The following DARS1 variants were observed in gnomAD, a reference collection of about 807,000 sequenced individuals.
The protein encoded by DARS1 is aspartate--tRNA ligase, cytoplasmic.
In DARS1, 51 loss-of-function variants were observed where a neutral mutation model predicts 68.8. The ratio of observed to expected loss-of-function variants is 0.74; its 90% CI spans 0.59 to 0.94. The LOEUF (loss-of-function observed/expected upper bound fraction) is 0.94. Among genes scored for constraint, DARS1 ranks in the 40% least tolerant of loss-of-function variants. The probability of loss-of-function intolerance (pLI) is 0.00; values close to 1 mark genes in which losing one functional copy is unlikely to be tolerated. For missense variants in DARS1, 607 were observed against 597.3 expected (o/e 1.02, Z -0.17); for synonymous variants, 203 against 190.4 (o/e 1.07, Z -0.55).
intron 15 of DARS1, among the ~76,000 whole-genome samples, chr2:135,907,842 C>A (rs1680821339): frequency 6.6e-6 from 1 of 152,142 alleles, no homozygotes; most frequent in East Asian, 1.9e-4. Context: ...ATTTTATAGA[C>A]ATTTAACATG....
chr2:135,972,683 AG>A (rs1682400440), intron 3 of DARS1, among the ~76,000 whole-genome samples: 2 of 152,238 alleles, frequency 1.3e-5, no homozygotes, highest in South Asian at 4.1e-4. Flanking sequence ...CCATCTGACG[AG>A]GAATTACTAA....
chr2:135,946,823 T>A (rs1681733639), intron 4 of DARS1, among the ~76,000 whole-genome samples: 1 of 152,178 alleles, frequency 6.6e-6, no homozygotes, highest in African/African-American at 2.4e-5. Context: ...CGAGTCCTCC[T>A]GAGCATATAG....
At chr2:135,908,812 A>T (rs1575380157) in intron 15 of DARS1, among the ~76,000 whole-genome samples, 1 of 152,204 alleles carries the variant, frequency 6.6e-6, no homozygotes, top group East Asian at 1.9e-4. Context: ...GTGGATTCTG[A>T]GTAATAAAGA....
At chr2:135,917,233 T>G (rs1681024956) in intron 10 of DARS1, among the ~76,000 whole-genome samples, 1 of 152,212 alleles carries the variant, frequency 6.6e-6, no homozygotes, top group Non-Finnish European at 1.5e-5. Context: ...TGGCTGGGAT[T>G]TGCTTCAAAA....
intron 11 of DARS1, 183 bp from the exon 12 acceptor site, chr2:135,914,694 G>C (rs1680970602): frequency 3.5e-6 from 2 of 575,108 alleles, no homozygotes; most frequent in Admixed American, 3.0e-5. Context: ...GTATACCTTG[G>C]TACAGTGACT....
Position 135,937,249 on chromosome 2 carries a change from TGGCTAATTTTTGTATTTTTAGTA to T in DARS1, c.424-3282_424-3260del, listed in dbSNP as rs1374379452. Among the ~76,000 whole-genome samples the T allele has an allele frequency of 5.3e-5, 8 of 152,212 alleles. No homozygotes were observed. In the East Asian group the frequency reaches 1.5e-3, roughly 29 times the overall value. Reference sequence around the variant, plus strand: ...GATTGCATGCACCTGCCACCACGCCTGGCTAATTTTTGTATTTTTAGTAGAAACAAGGTTTCGCCATGTTGATC... The same window carrying T: ...GATTGCATGCACCTGCCACCACGCCTGAAACAAGGTTTCGCCATGTTGATC... On this transcript the variant is annotated intron_variant, in intron 5 of 15. Coordinates refer to ENST00000264161, the MANE Select transcript of DARS1 (RefSeq NM_001349.4).
Position 135,985,588 on chromosome 2 carries a change from G to A in DARS1, c.-120C>T, listed in dbSNP as rs747158430. The A allele has an allele frequency of 5.6e-5, 87 of 1,554,576 alleles. No individual in the cohort carries two copies. The highest frequency in any genetic ancestry group is 7.2e-5 in the Non-Finnish European group (83 of 1,146,622). On this transcript the variant is annotated 5_prime_UTR_variant, in exon 1 of 16. Coordinates refer to ENST00000264161, the MANE Select transcript of DARS1 (RefSeq NM_001349.4). ...TCCCGACCCTGGGGTCTCAGCACAC[G>A]CGCTCGGACTCCGCGTGGAGGTGCG...
At chr2:135,923,239 T>A (rs1681142420) in intron 8 of DARS1, among the ~76,000 whole-genome samples, 1 of 152,152 alleles carries the variant, frequency 6.6e-6, no homozygotes, top group Admixed American at 6.5e-5. Flanking sequence ...AAATATATTC[T>A]TCATCATTTT....
At chr2:135,929,574 T>C (rs1681298439) in intron 7 of DARS1, among the ~76,000 whole-genome samples, 1 of 152,184 alleles carries the variant, frequency 6.6e-6, no homozygotes, top group South Asian at 2.1e-4. Flanking sequence ...GTGGTAAAGG[T>C]ACCATACTTG....
chr2:135,978,135 T>G (rs1682540391), intron 3 of DARS1, among the ~76,000 whole-genome samples: 2 of 94,950 alleles, frequency 2.1e-5, no homozygotes, highest in Admixed American at 3.4e-4. Context: ...AGAGCAAGAC[T>G]CTGTCTCAAA....
intron 4 of DARS1, among the ~76,000 whole-genome samples, chr2:135,960,530 A>C (rs1682076522): frequency 6.6e-6 from 1 of 152,218 alleles, no homozygotes; most frequent in South Asian, 2.1e-4. Context: ...ACATTTAAAA[A>C]AATCAATAGA....
intron 15 of DARS1, among the ~76,000 whole-genome samples, chr2:135,909,857 G>C (rs1056047951): frequency 6.6e-6 from 1 of 152,060 alleles, no homozygotes; most frequent in African/African-American, 2.4e-5. Context: ...GAGACTTTTT[G>C]AGTGCCAACA....
chr2:135,974,377 ATTTAT>A (rs1682451498), intron 3 of DARS1, among the ~76,000 whole-genome samples: 2 of 152,218 alleles, frequency 1.3e-5, no homozygotes, highest in Admixed American at 1.3e-4. Context: ...CTACGTTAAA[ATTTAT>A]TTTATTACAC....
In DARS1 at chr2:135,906,208, C is replaced by T. The variant is rs1680776772; in HGVS notation, c.*1108G>A. ...AGGGGTAACTTCCTAACTTTTTGAC[C>T]CTCATATTTTTCTGCATGTAATTTT... is the stretch of plus-strand genomic sequence containing the variant. On this transcript the variant is annotated 3_prime_UTR_variant, in exon 16 of 16. Transcript: ENST00000264161. Among the ~76,000 whole-genome samples the T allele has an allele frequency of 1.3e-5, 2 of 152,050 alleles. No homozygotes were observed. Among genetic ancestry groups the T allele is most frequent in the Admixed American group, 1.3e-4 (2 of 15,272 alleles).
chr2:135,976,932 G>T (rs1225081558), intron 3 of DARS1, among the ~76,000 whole-genome samples: 1 of 152,094 alleles, frequency 6.6e-6, no homozygotes, highest in East Asian at 1.9e-4. Context: ...TGGACAGCAA[G>T]AACAAGACCC....
chr2:135,932,138 CAAG>C (rs1272516370), intron 7 of DARS1, among the ~76,000 whole-genome samples: 1 of 151,898 alleles, frequency 6.6e-6, no homozygotes, highest in Admixed American at 6.6e-5. Context: ...GTAGAATAGC[CAAG>C]AAGAACTCTT....
At chr2:135,926,539 T>C (rs2104805104) in intron 7 of DARS1, among the ~76,000 whole-genome samples, 1 of 152,322 alleles carries the variant, frequency 6.6e-6, no homozygotes, top group East Asian at 1.9e-4. Context: ...AGATTCTAGC[T>C]TTTAAATGGT....
chr2:135,981,065 G>A (rs1328583467), intron 2 of DARS1, among the ~76,000 whole-genome samples: 1 of 152,182 alleles, frequency 6.6e-6, no homozygotes, highest in African/African-American at 2.4e-5. Flanking sequence ...AAGCAGATGA[G>A]AAAGGAAACC....
At chr2:135,946,757 G>A (rs1312340571) in intron 4 of DARS1, among the ~76,000 whole-genome samples, 3 of 152,078 alleles carry the variant, frequency 2.0e-5, no homozygotes, top group South Asian at 2.1e-4. Context: ...CATAAATCGG[G>A]GGAAAAAGCA....
Sources: gnomAD v4.1 joint callset for allele counts (sites outside exome capture counted in the v4.1 genomes callset) on GRCh38, gnomAD v4.1.1 for gene constraint, MANE v1.5 for transcripts, NCBI Gene and HGNC (gene_info 2026-07-23, HGNC 2026-07-21) for gene names.